The following PDZRN4 variants were observed in gnomAD, a reference collection of about 807,000 sequenced individuals.
The protein encoded by PDZRN4 is PDZ domain-containing RING finger protein 4.
Under a neutral mutation model 99.0 loss-of-function variants are expected in PDZRN4, and 70 were observed. The observed-to-expected ratio is 0.71, with a 90% CI of 0.58 to 0.86. PDZRN4 has a LOEUF of 0.86. PDZRN4 is among the 40% of genes least tolerant of loss of function. The probability of loss-of-function intolerance (pLI) is 0.00; values close to 1 mark genes in which losing one functional copy is unlikely to be tolerated. For missense variants in PDZRN4, 1,474 were observed against 1,331.2 expected (o/e 1.11, Z -1.67); for synonymous variants, 551 against 501.6 (o/e 1.10, Z -1.32).
intron 5 of PDZRN4, among the ~76,000 whole-genome samples, chr12:41,518,429 A>G (rs2733286): frequency 6.6e-6 from 1 of 151,776 alleles, no homozygotes; most frequent in African/African-American, 2.4e-5. Context: ...GGTTTCAGCA[A>G]TTTTTCCAGA....
intron 3 of PDZRN4, among the ~76,000 whole-genome samples, chr12:41,230,723 G>C (rs1205695683): frequency 6.6e-6 from 1 of 151,942 alleles, no homozygotes; most frequent in Admixed American, 6.6e-5. Context: ...CTTTTTTGAA[G>C]TCATTTGTTA....
At chr12:41,210,735 A>G (rs778276915) in intron 3 of PDZRN4, among the ~76,000 whole-genome samples, 7 of 151,988 alleles carry the variant, frequency 4.6e-5, no homozygotes, top group Admixed American at 6.6e-5. Flanking sequence ...CCTAGAGTCC[A>G]AAATATAACC....
At chr12:41,267,219 G>A (rs1361585070) in intron 3 of PDZRN4, among the ~76,000 whole-genome samples, 2 of 152,146 alleles carry the variant, frequency 1.3e-5, no homozygotes, top group African/African-American at 4.8e-5. Flanking sequence ...ATACTGTAGT[G>A]GATTGGGATA....
intron 3 of PDZRN4, among the ~76,000 whole-genome samples, chr12:41,349,733 A>G (rs2121035060): frequency 6.6e-6 from 1 of 152,070 alleles, no homozygotes; most frequent in South Asian, 2.1e-4. Context: ...TTGGGAGGAG[A>G]CTTATTGTAT....
chr12:41,207,337 G>A (rs1279931208), intron 3 of PDZRN4, among the ~76,000 whole-genome samples: 2 of 151,622 alleles, frequency 1.3e-5, no homozygotes, highest in East Asian at 1.9e-4. Flanking sequence ...TGGCAAGATA[G>A]AATTTTAGAG....
chr12:41,457,720 A>C (rs958520707), intron 3 of PDZRN4, among the ~76,000 whole-genome samples: 8 of 152,256 alleles, frequency 5.3e-5, no homozygotes, highest in African/African-American at 1.9e-4. Flanking sequence ...TTGCAAGTTT[A>C]AAATGTAGCT....
intron 3 of PDZRN4, among the ~76,000 whole-genome samples, chr12:41,397,542 G>T (rs1268285037): frequency 1.3e-5 from 2 of 152,102 alleles, no homozygotes; most frequent in African/African-American, 4.8e-5. Context: ...GTCTTAATTA[G>T]AGTTTCGTCT....
At chr12:41,320,432 C>T (rs900592578) in intron 3 of PDZRN4, among the ~76,000 whole-genome samples, 2 of 152,146 alleles carry the variant, frequency 1.3e-5, no homozygotes, top group African/African-American at 4.8e-5. Context: ...TTATGGCCAT[C>T]GGTTTTCTAT....
chr12:41,191,364 G>A (rs1950734073), intron 1 of PDZRN4, 94 bp from the exon 2 acceptor site: 2 of 662,210 alleles, frequency 3.0e-6, no homozygotes, highest in East Asian at 2.9e-5. Flanking sequence ...CTTTTCACAT[G>A]TCAGTTAACT....
chr12:41,209,798 A>T (rs1034012660), intron 3 of PDZRN4, among the ~76,000 whole-genome samples: 41 of 149,056 alleles, frequency 2.8e-4, no homozygotes, highest in African/African-American at 9.0e-4. Flanking sequence ...ATAGTGCTGC[A>T]ATAAACATAC....
chr12:41,555,816 T>C (rs1939150545), intron 7 of PDZRN4, 56 bp downstream of exon 7: 1 of 1,363,946 alleles, frequency 7.3e-7, no homozygotes, highest in African/African-American at 1.4e-5. Flanking sequence ...AGTTACTATT[T>C]TACTTTGTTT....
intron 3 of PDZRN4, among the ~76,000 whole-genome samples, chr12:41,271,972 G>T (rs1951316865): frequency 6.6e-6 from 1 of 151,888 alleles, no homozygotes; most frequent in South Asian, 2.1e-4. Flanking sequence ...GACAACAAAT[G>T]ATTTTGCAAC....
chr12:41,526,074 G>A (rs1938563337), intron 5 of PDZRN4, among the ~76,000 whole-genome samples: 1 of 152,108 alleles, frequency 6.6e-6, no homozygotes. Flanking sequence ...TGGTGTACTT[G>A]GCCATTGCAT....
intron 3 of PDZRN4, among the ~76,000 whole-genome samples, chr12:41,217,811 T>A (rs1201824942): frequency 2.0e-5 from 3 of 152,058 alleles, no homozygotes; most frequent in African/African-American, 7.2e-5. Flanking sequence ...ATTTTGGCCC[T>A]GTTTCCCAGT....
At chr12:41,350,492 T>A (rs1951882266) in intron 3 of PDZRN4, among the ~76,000 whole-genome samples, 1 of 152,124 alleles carries the variant, frequency 6.6e-6, no homozygotes, top group African/African-American at 2.4e-5. Flanking sequence ...ATAACTTTAT[T>A]ATTTATGAAA....
intron 3 of PDZRN4, among the ~76,000 whole-genome samples, chr12:41,201,270 T>C (rs1204218288): frequency 6.6e-6 from 1 of 152,014 alleles, no homozygotes; most frequent in African/African-American, 2.4e-5. Context: ...TGGTATTCTG[T>C]GCCACAGCCT....
chr12:41,323,674 T>C lies in PDZRN4; in HGVS notation c.843+129486T>C, dbSNP rs1951693741. Among the ~76,000 whole-genome samples, 4 of 152,130 alleles carry C rather than the reference T, an allele frequency of 2.6e-5. No homozygotes were observed. In the South Asian group the frequency reaches 8.3e-4, roughly 32 times the overall value. ...AATTATTTATATTATCCAAAAAGTATGTCACTAATACAGTAACAAATGCTA... is the reference window on the plus strand; with the variant it reads ...AATTATTTATATTATCCAAAAAGTACGTCACTAATACAGTAACAAATGCTA... On this transcript the variant is annotated intron_variant, in intron 3 of 9. Coordinates refer to ENST00000402685, the MANE Select transcript of PDZRN4 (RefSeq NM_001164595.2).
At chr12:41,394,676 CACTA>C (rs1952233590) in intron 3 of PDZRN4, among the ~76,000 whole-genome samples, 1 of 152,040 alleles carries the variant, frequency 6.6e-6, no homozygotes, top group Admixed American at 6.6e-5. Context: ...CTTAGTTCCT[CACTA>C]ACTGTTGACC....
intron 9 of PDZRN4, among the ~76,000 whole-genome samples, chr12:41,571,044 C>G (rs553928565): frequency 8.6e-5 from 13 of 151,948 alleles, no homozygotes; most frequent in African/African-American, 1.5e-4. Context: ...TTTTGTCACC[C>G]GTTCTATCCT....
Sources: gnomAD v4.1 joint callset for allele counts (sites outside exome capture counted in the v4.1 genomes callset) on GRCh38, gnomAD v4.1.1 for gene constraint, MANE v1.5 for transcripts, NCBI Gene and HGNC (gene_info 2026-07-23, HGNC 2026-07-21) for gene names.